Variants in PCGF5 observed in about 807,000 individuals in gnomAD.
PCGF5 encodes polycomb group ring finger 5.
A neutral mutation model predicts 44.3 loss-of-function variants in PCGF5; 9 were observed. That is an observed-to-expected ratio of 0.20 (90% CI 0.12 to 0.35). PCGF5 has a LOEUF of 0.35. PCGF5 is among the 10% of genes least tolerant of loss of function. PCGF5 has a pLI of 1.00. For synonymous variants in PCGF5, 95 were observed against 102.5 expected, an observed-to-expected ratio of 0.93 and a Z score of 0.44; for missense variants, 146 against 305.3, an observed-to-expected ratio of 0.48 and a Z score of 3.89.
chr10:91,248,432 A>G lies in PCGF5; in HGVS notation c.210-73A>G, dbSNP rs569809166. 3.8e-6 allele frequency: 5 copies of G among 1,299,330 alleles called. No individual in the cohort carries two copies. The South Asian group carries it at 4.8e-5, about 12-fold the overall frequency. The allele number at this position is 1,299,330 out of a possible 1,614,324, so 80.5% of individuals were successfully genotyped here. On this transcript the variant is annotated intron_variant, in intron 3 of 9. Coordinates refer to ENST00000336126, the MANE Select transcript of PCGF5 (RefSeq NM_032373.5). ...TATTTTGTAACATGTATAAGATTAT[A>G]CATCTCAGACTATTTACATGTCAGA...
At chr10:91,161,362 T>C (rs1843379432), upstream of PCGF5, among the ~76,000 whole-genome samples, 1 of 152,174 alleles carries the variant, frequency 6.6e-6, no homozygotes, top group Admixed American at 6.5e-5. Flanking sequence ...CTTTTCCTAA[T>C]GGGACTGCAA....
intron 8 of PCGF5, among the ~76,000 whole-genome samples, chr10:91,270,000 ATAT>A (rs1403013053): frequency 6.6e-6 from 1 of 152,212 alleles, no homozygotes; most frequent in Non-Finnish European, 1.5e-5. Context: ...AATTAATGAA[ATAT>A]TATATACTGA....
intron 2 of PCGF5, among the ~76,000 whole-genome samples, chr10:91,234,997 T>TG (rs1188521334): frequency 3.3e-5 from 5 of 152,188 alleles, no homozygotes; most frequent in Non-Finnish European, 7.4e-5. Flanking sequence ...GGTTTCTTAA[T>TG]GGTGATAATA....
At chr10:91,276,965 T>C (rs1245470451) in intron 9 of PCGF5, among the ~76,000 whole-genome samples, 1 of 152,184 alleles carries the variant, frequency 6.6e-6, no homozygotes, top group African/African-American at 2.4e-5. Flanking sequence ...GTAATCTGAT[T>C]CAGGGGGAAC....
rs187227397 is a variant in PCGF5, at chr10:91,207,345, A to C, written c.-183-15344A>C. Among the ~76,000 whole-genome samples the C allele has an allele frequency of 2.0e-4, 30 of 152,302 alleles. No individual in the cohort carries two copies. In the East Asian group the frequency reaches 4.6e-3, roughly 23 times the overall value. ...CTTGAGAAATTCAAAATCTACAGAA[A>C]AGTTGCCAAAATCTTTCAATGAACA... On this transcript the variant is annotated intron_variant, in intron 1 of 9. Transcript: ENST00000614189.
intron 6 of PCGF5, among the ~76,000 whole-genome samples, chr10:91,257,738 A>G (rs1437065522): frequency 6.6e-6 from 1 of 152,074 alleles, no homozygotes; most frequent in Non-Finnish European, 1.5e-5. Flanking sequence ...TCCATTTTGT[A>G]TTTTTGGACA....
At chr10:91,223,052 ATGTTT>A in intron 2 of PCGF5, 69 bp downstream of exon 2, 1 of 1,059,614 alleles carries the variant, frequency 9.4e-7, no homozygotes, top group East Asian at 2.5e-5. Flanking sequence ...TAAAATTGCC[ATGTTT>A]TGTTTTTATC....
rs185919525 is a variant in PCGF5 at position 91,265,312 on chromosome 10, A to G, written c.663+792A>G. ...AGGGATTGTAGGACTCATATATGAC[A>G]CTAAGGAATATAGCAGTAATGCTAT... On this transcript the variant is annotated intron_variant, in intron 8 of 9. Coordinates refer to ENST00000336126, the MANE Select transcript of PCGF5 (RefSeq NM_032373.5). Among the ~76,000 whole-genome samples, 6 of 152,314 alleles carry G rather than the reference A, an allele frequency of 3.9e-5. No individual in the cohort carries two copies. The East Asian group carries it at 5.8e-4, about 15-fold the overall frequency.
At chr10:91,275,756 A>G (rs1053120531) in intron 9 of PCGF5, among the ~76,000 whole-genome samples, 1 of 152,078 alleles carries the variant, frequency 6.6e-6, no homozygotes, top group African/African-American at 2.4e-5. Flanking sequence ...CCCAGCCAGA[A>G]CTACCTTCTT....
chr10:91,215,162 C>A (rs1485571076), upstream of PCGF5, among the ~76,000 whole-genome samples: 2 of 152,118 alleles, frequency 1.3e-5, no homozygotes, highest in Non-Finnish European at 2.9e-5. Context: ...AACAACAGTT[C>A]TTGACAAAAT....
intron 6 of PCGF5, among the ~76,000 whole-genome samples, chr10:91,254,521 A>G (rs1333043587): frequency 1.3e-5 from 2 of 151,954 alleles, no homozygotes; most frequent in African/African-American, 2.4e-5. Context: ...CACTGATACT[A>G]TCTTTTTTTT....
intron 9 of PCGF5, among the ~76,000 whole-genome samples, chr10:91,272,303 T>G (rs991542521): frequency 2.6e-5 from 4 of 152,140 alleles, no homozygotes; most frequent in African/African-American, 9.7e-5. Flanking sequence ...CAGATGTGAT[T>G]GATGATCAGC....
At chr10:91,181,513 A>G (rs1480367553) in intron 1 of PCGF5, among the ~76,000 whole-genome samples, 1 of 152,132 alleles carries the variant, frequency 6.6e-6, no homozygotes, top group Non-Finnish European at 1.5e-5. Context: ...CACTTTTATT[A>G]TTATTTTGAG....
Position 91,222,870 on chromosome 10 carries a change from G to T in PCGF5, c.-2G>T. 1 of 1,587,390 alleles carries T rather than the reference G, an allele frequency of 6.3e-7. No individual in the cohort carries two copies. Among genetic ancestry groups the T allele is most frequent in the Non-Finnish European group, 8.7e-7 (1 of 1,155,898 alleles). On this transcript the variant is annotated 5_prime_UTR_variant, in exon 2 of 10. Coordinates refer to ENST00000336126, the MANE Select transcript of PCGF5 (RefSeq NM_032373.5). ...ACTAAAGCCAGTCTTCACTAGCCAC[G>T]AATGGCTACCCAAAGGAAACACTTG...
chr10:91,186,274 A>G (rs1285312337), intron 1 of PCGF5, among the ~76,000 whole-genome samples: 2 of 152,174 alleles, frequency 1.3e-5, no homozygotes, highest in African/African-American at 2.4e-5. Context: ...CCAGGCGTTC[A>G]TTCACCAGTA....
intron 7 of PCGF5, 48 bp downstream of exon 7, chr10:91,261,472 G>T: frequency 7.3e-7 from 1 of 1,362,972 alleles, no homozygotes; most frequent in Non-Finnish European, 9.6e-7. Flanking sequence ...ATTCTGATTT[G>T]AAGTAAAATT....
At chr10:91,199,760 T>C (rs1844213519) in intron 1 of PCGF5, among the ~76,000 whole-genome samples, 1 of 151,758 alleles carries the variant, frequency 6.6e-6, no homozygotes, top group African/African-American at 2.4e-5. Context: ...TGCAACCCTC[T>C]TGTTTGACAG....
At chr10:91,235,758 T>C (rs1845144082) in intron 2 of PCGF5, among the ~76,000 whole-genome samples, 1 of 152,228 alleles carries the variant, frequency 6.6e-6, no homozygotes, top group African/African-American at 2.4e-5. Context: ...GGAGTTCCCT[T>C]GCACAAACTC....
In PCGF5 at chr10:91,282,798, A is replaced by T. The variant is rs1328091541; in HGVS notation, c.*4482A>T. ...TTCCAGAAAGCTAAGCTTTATACTA[A>T]TAAGATATTGGTTGGTAGTAGGAAC... On this transcript the variant is annotated 3_prime_UTR_variant, in exon 10 of 10. Transcript: ENST00000336126. 6.6e-6 allele frequency: 1 copy of T among 152,612 alleles called. No homozygotes were observed. Among genetic ancestry groups the T allele is most frequent in the African/African-American group, 2.4e-5 (1 of 41,432 alleles). 9.5% of individuals were successfully genotyped at this position (152,612 alleles called of 1,614,324 possible).
Sources: allele counts gnomAD v4.1 joint callset (sites outside exome capture counted in the v4.1 genomes callset), GRCh38; gene constraint gnomAD v4.1.1; transcripts MANE v1.5; gene names NCBI Gene and HGNC (gene_info 2026-07-23, HGNC 2026-07-21).